Variants in LIN52 observed in about 807,000 individuals in gnomAD.
LIN52 encodes lin-52 DREAM MuvB core complex component, also known as protein lin-52 homolog.
In LIN52, 4 loss-of-function variants were observed where a neutral mutation model predicts 18.5. The observed-to-expected ratio is 0.22, with a 90% confidence interval of 0.11 to 0.49. LIN52 has a LOEUF of 0.49. Ranked by LOEUF, LIN52 falls within the 20% of genes least tolerant of loss-of-function variation. The pLI, the probability that LIN52 is intolerant of heterozygous loss-of-function variation, is 0.97. For synonymous variants in LIN52, 34 were observed against 45.5 expected (o/e 0.75, Z 1.02); for missense variants, 102 against 139.5 (o/e 0.73, Z 1.35).
intron 5 of LIN52, among the ~76,000 whole-genome samples, chr14:74,115,029 C>T (rs916874813): frequency 2.0e-5 from 3 of 152,146 alleles, no homozygotes; most frequent in African/African-American, 7.2e-5. Context: ...TCTTTGTTAA[C>T]TGGAAAAAAG....
At chr14:74,088,080 TTTATTA>T (rs1263154019) in intron 1 of LIN52, among the ~76,000 whole-genome samples, 2 of 151,968 alleles carry the variant, frequency 1.3e-5, no homozygotes, top group Admixed American at 1.3e-4. Flanking sequence ...GCCCAGCTAA[TTTATTA>T]TTATTATTAT....
chr14:74,195,437 C>T (rs886537706), intron 5 of LIN52, among the ~76,000 whole-genome samples: 2 of 152,208 alleles, frequency 1.3e-5, no homozygotes, highest in African/African-American at 4.8e-5. Flanking sequence ...CAGTAGTCAT[C>T]TCTAAAGATT....
At chr14:74,114,167 CTG>C (rs1334988156) in intron 5 of LIN52, 1 of 923,662 alleles carries the variant, frequency 1.1e-6, no homozygotes, top group African/African-American at 2.3e-5. Context: ...TTTAATATAA[CTG>C]AGATTAGTGT....
chr14:74,180,710 G>T (rs1185673415), intron 5 of LIN52, among the ~76,000 whole-genome samples: 2 of 152,138 alleles, frequency 1.3e-5, no homozygotes, highest in East Asian at 3.9e-4. Context: ...GAGGCCAGTG[G>T]TCTAACATAT....
intron 2 of LIN52, among the ~76,000 whole-genome samples, chr14:74,095,451 G>A (rs531822181): frequency 1.2e-3 from 184 of 151,728 alleles, no homozygotes; most frequent in African/African-American, 4.2e-3. Context: ...TTAATTTTTT[G>A]TAGAGTCTGG....
At chr14:74,127,185 C>T (rs2061034027) in intron 5 of LIN52, among the ~76,000 whole-genome samples, 1 of 152,186 alleles carries the variant, frequency 6.6e-6, no homozygotes, top group Non-Finnish European at 1.5e-5. Context: ...ATAGTTCCTG[C>T]TGTCATAAAG....
At chr14:74,089,790 T>G (rs1014321891) in intron 1 of LIN52, among the ~76,000 whole-genome samples, 1 of 142,450 alleles carries the variant, frequency 7.0e-6, no homozygotes, top group Non-Finnish European at 1.5e-5. Flanking sequence ...GGCATACAGA[T>G]GAAGATAAAA....
At chr14:74,118,215 C>G (rs1490997003) in intron 5 of LIN52, among the ~76,000 whole-genome samples, 1 of 151,950 alleles carries the variant, frequency 6.6e-6, no homozygotes, top group Non-Finnish European at 1.5e-5. Context: ...GAGCTATGAT[C>G]ATGCCACTGC....
intron 5 of LIN52, among the ~76,000 whole-genome samples, chr14:74,167,914 T>C (rs139997685): frequency 2.0e-5 from 3 of 152,338 alleles, no homozygotes; most frequent in African/African-American, 7.2e-5. Flanking sequence ...GTGATCTTTG[T>C]TACATTTCAG....
intron 5 of LIN52, among the ~76,000 whole-genome samples, chr14:74,172,002 G>A (rs998083774): frequency 1.3e-5 from 2 of 152,166 alleles, no homozygotes; most frequent in African/African-American, 4.8e-5. Flanking sequence ...CTCCCAAAGT[G>A]CTGGGATTAC....
At chr14:74,091,764 ACT>A (rs112639675) in intron 2 of LIN52, among the ~76,000 whole-genome samples, 22,660 of 122,186 alleles carry the variant, frequency 0.19, 2,316 homozygotes, top group East Asian at 0.59. Flanking sequence ...ACAGGGTGAG[ACT>A]CTGTCTCAAA....
In LIN52 at chr14:74,198,983, G is replaced by A. The variant is rs779851578; in HGVS notation, c.*6G>A. ...TAGAGAAGCCCAAGAAGTAGCAGCT[G>A]CTTGCGGACAGGATGTCCTGGGGTC... On this transcript the variant is annotated 3_prime_UTR_variant, in exon 6 of 6. Transcript: ENST00000555028. The A allele has an allele frequency of 1.9e-6, 3 of 1,608,018 alleles. No individual in the cohort carries two copies. The highest frequency in any genetic ancestry group is 2.2e-5 in the South Asian group (2 of 90,954).
chr14:74,174,871 A>G (rs8014983), intron 5 of LIN52: 117,346 of 151,308 alleles, frequency 0.78, 45,833 homozygotes, highest in Admixed American at 0.81. Flanking sequence ...GCCAGGTATG[A>G]TGGTGCATGC....
chr14:74,194,731 G>T (rs2078899364), intron 5 of LIN52, among the ~76,000 whole-genome samples: 1 of 152,156 alleles, frequency 6.6e-6, no homozygotes, highest in Non-Finnish European at 1.5e-5. Flanking sequence ...CTTCTCTCCT[G>T]CACGGCATAC....
intron 5 of LIN52, among the ~76,000 whole-genome samples, chr14:74,119,276 C>T (rs1241462908): frequency 6.6e-6 from 1 of 151,418 alleles, no homozygotes; most frequent in Non-Finnish European, 1.5e-5. Context: ...ATTCTCCTGC[C>T]TCAGCCTCCC....
chr14:74,128,073 A>C (rs1236203302), intron 5 of LIN52, among the ~76,000 whole-genome samples: 2 of 152,202 alleles, frequency 1.3e-5, no homozygotes, highest in Non-Finnish European at 2.9e-5. Flanking sequence ...AATGGAAAAT[A>C]TATGAAATAA....
At chr14:74,172,562 A>G (rs1008826356) in intron 5 of LIN52, among the ~76,000 whole-genome samples, 4 of 152,228 alleles carry the variant, frequency 2.6e-5, no homozygotes, top group Non-Finnish European at 4.4e-5. Flanking sequence ...AATGTGTAAT[A>G]AACAGATTAG....
chr14:74,167,620 A>G (rs2061255105), intron 5 of LIN52, among the ~76,000 whole-genome samples: 1 of 152,172 alleles, frequency 6.6e-6, no homozygotes, highest in African/African-American at 2.4e-5. Flanking sequence ...TAGATTAAGT[A>G]TGTTTCCTTT....
chr14:74,162,552 A>AT (rs900815282), intron 5 of LIN52, among the ~76,000 whole-genome samples: 3 of 143,948 alleles, frequency 2.1e-5, no homozygotes, highest in South Asian at 2.2e-4. Flanking sequence ...TTATTTATTT[A>AT]TTTTTTTATT....
Sources: allele counts gnomAD v4.1 joint callset (sites outside exome capture counted in the v4.1 genomes callset), GRCh38; gene constraint gnomAD v4.1.1; transcripts MANE v1.5; gene names NCBI Gene and HGNC (gene_info 2026-07-23, HGNC 2026-07-21).